GPLD1: variants seen among roughly 807,000 people sequenced by gnomAD.
GPLD1 encodes the protein phosphatidylinositol-glycan-specific phospholipase D.
In GPLD1, 84 loss-of-function variants were observed where a neutral mutation model predicts 112.6. The ratio of observed to expected loss-of-function variants is 0.75; its 90% confidence interval spans 0.63 to 0.89. The LOEUF (loss-of-function observed/expected upper bound fraction) is 0.89. GPLD1 is among the 40% of genes least tolerant of loss of function. The pLI, the probability that GPLD1 is intolerant of heterozygous loss-of-function variation, is 0.00. For synonymous variants in GPLD1, 386 were observed against 403.8 expected (o/e 0.96, Z 0.53); for missense variants, 1,044 against 1,051.5 (o/e 0.99, Z 0.10).
At chr6:24,425,806 ACAGACTGTTAAG>A (rs1479743216), downstream of GPLD1, 3 of 152,266 alleles carry the variant, frequency 2.0e-5, no homozygotes, top group Admixed American at 2.0e-4. Flanking sequence ...CTTCATGAAC[ACAGACTGTTAAG>A]CAGCACTAAC....
intron 22 of GPLD1, among the ~76,000 whole-genome samples, chr6:24,435,092 A>T (rs1394430323): frequency 2.0e-5 from 3 of 149,928 alleles, no homozygotes; most frequent in Non-Finnish European, 3.0e-5. Flanking sequence ...ACTCACTGCA[A>T]GCTCCGCCTC....
chr6:24,479,810 T>G (rs1764141803), intron 3 of GPLD1, 71 bp downstream of exon 3: 1 of 818,208 alleles, frequency 1.2e-6, no homozygotes, highest in Non-Finnish European at 2.2e-6. Context: ...ATATATATAT[T>G]TTTAAAGTCA....
At chr6:24,450,131 A>G (rs937668609) in intron 14 of GPLD1, among the ~76,000 whole-genome samples, 7 of 152,252 alleles carry the variant, frequency 4.6e-5, no homozygotes, top group African/African-American at 1.4e-4. Flanking sequence ...CAGAAAGTAG[A>G]GGGTTGGTTC....
At chr6:24,435,487 T>C (rs965464803) in intron 22 of GPLD1, among the ~76,000 whole-genome samples, 16 of 152,190 alleles carry the variant, frequency 1.1e-4, no homozygotes, top group Admixed American at 3.9e-4. Context: ...TTTAATTCTC[T>C]TTGTACATTT....
intron 4 of GPLD1, 36 bp from the exon 5 acceptor site, chr6:24,475,267 G>T (rs1763971893): frequency 9.5e-7 from 1 of 1,053,926 alleles, no homozygotes; most frequent in Non-Finnish European, 1.5e-6. Context: ...TGTGTGTTTG[G>T]GTGATTTTAT....
Position 24,426,644 on chromosome 6 carries a change from G to A in GPLD1, c.*2388C>T, listed in dbSNP as rs754179942. Among the ~76,000 whole-genome samples the A allele has an allele frequency of 5.9e-5, 9 of 152,070 alleles. No individual in the cohort carries two copies. The highest frequency in any genetic ancestry group is 1.9e-4 in the East Asian group (1 of 5,176). ...AAACTGACACTATATAAATGCATCC[G>A]TCTAATGAAAAGACCCAGTACTGAG... On this transcript the variant is annotated 3_prime_UTR_variant, in exon 25 of 25. Coordinates refer to ENST00000230036, the MANE Select transcript of GPLD1 (RefSeq NM_001503.4).
At chr6:24,438,861 A>T (rs973722048) in intron 20 of GPLD1, among the ~76,000 whole-genome samples, 14 of 151,880 alleles carry the variant, frequency 9.2e-5, no homozygotes, top group African/African-American at 2.9e-4. Flanking sequence ...ATCTCGGCTC[A>T]CTGCAACCTC....
chr6:24,489,223 A>C (rs980168230), intron 1 of GPLD1, among the ~76,000 whole-genome samples, 192 bp downstream of exon 1: 2 of 152,104 alleles, frequency 1.3e-5, no homozygotes, highest in Non-Finnish European at 2.9e-5. Context: ...TTGCCCCTTA[A>C]CTGAAGTCAT....
chr6:24,464,765 G>A (rs1010911935), intron 10 of GPLD1, among the ~76,000 whole-genome samples: 12 of 152,316 alleles, frequency 7.9e-5, no homozygotes, highest in African/African-American at 2.9e-4. Context: ...CACTGCTGGT[G>A]GTACAGCCTA....
Position 24,489,407 on chromosome 6 carries a change from G to A in GPLD1, c.97+8C>T, listed in dbSNP as rs772801233. ...CTCTCAACAACATAACAAGACACCAGTACTTACCTATTTCTACGTGTGTTG... is the reference window on the plus strand; with the variant it reads ...CTCTCAACAACATAACAAGACACCAATACTTACCTATTTCTACGTGTGTTG... On this transcript the variant is annotated splice_region_variant and intron_variant, in intron 1 of 24. Transcript: ENST00000230036. The A allele has an allele frequency of 1.9e-6, 3 of 1,565,910 alleles. No homozygotes were observed. The highest frequency in any genetic ancestry group is 2.7e-5 in the African/African-American group (2 of 73,804).
intron 2 of GPLD1, among the ~76,000 whole-genome samples, chr6:24,485,487 A>T (rs1561859959): frequency 6.6e-6 from 1 of 151,884 alleles, no homozygotes; most frequent in Non-Finnish European, 1.5e-5. Flanking sequence ...TTTCTCAAGT[A>T]TTTTTTCAAA....
At chr6:24,462,022 T>A (rs2793440) in intron 11 of GPLD1, among the ~76,000 whole-genome samples, 1 of 152,032 alleles carries the variant, frequency 6.6e-6, no homozygotes, top group Non-Finnish European at 1.5e-5. Context: ...GCCCTTAACA[T>A]TGAGGGCTTC....
At chr6:24,440,436 C>G (rs952077119) in intron 20 of GPLD1, among the ~76,000 whole-genome samples, 1 of 151,620 alleles carries the variant, frequency 6.6e-6, no homozygotes, top group Non-Finnish European at 1.5e-5. Flanking sequence ...AGAGCAAGAC[C>G]CTATGGCTTA....
intron 2 of GPLD1, among the ~76,000 whole-genome samples, chr6:24,481,963 G>A (rs547082274): frequency 6.6e-6 from 1 of 152,212 alleles, no homozygotes; most frequent in East Asian, 1.9e-4. Context: ...CTCCCAGTGA[G>A]GTAGGCATGT....
upstream of GPLD1, among the ~76,000 whole-genome samples, chr6:24,490,373 A>T (rs959776633): frequency 2.0e-5 from 3 of 152,244 alleles, no homozygotes; most frequent in Non-Finnish European, 2.9e-5. Context: ...CATATTTTAC[A>T]TTAAAAGCAA....
In GPLD1 at chr6:24,454,154, A is replaced by G; in HGVS notation, c.1196T>C (p.Val399Ala). 1.2e-6 allele frequency: 2 copies of G among 1,613,940 alleles called. No individual in the cohort carries two copies. Among genetic ancestry groups the G allele is most frequent in the Non-Finnish European group, 1.7e-6 (2 of 1,179,924 alleles). ...DLNQDGHGDLVVGAPGYSRPG... is the reference protein window; with the variant it reads ...DLNQDGHGDLAVGAPGYSRPG... ...GCGGCTGTAGCCTGGTGCGCCCACCACGAGGTCACCGTGCCCATCCTGGTT... is the reference window on the plus strand; with the variant it reads ...GCGGCTGTAGCCTGGTGCGCCCACCGCGAGGTCACCGTGCCCATCCTGGTT... Residue 399 changes from valine (V) to alanine (A), a missense_variant, in exon 14 of 25, where the codon GTG becomes GCG. Physicochemically the swap from Val to Ala is moderately conservative, Grantham distance 64. Transcript: ENST00000230036.
Position 24,428,993 on chromosome 6 carries a change from T to A in GPLD1, c.*39A>T. 1 of 1,362,708 alleles carries A rather than the reference T, an allele frequency of 7.3e-7. No individual in the cohort carries two copies. Among genetic ancestry groups the A allele is most frequent in the Non-Finnish European group, 1.0e-6 (1 of 956,290 alleles). 84.4% of individuals were successfully genotyped at this position (1,362,708 alleles called of 1,614,324 possible). A position where few individuals can be genotyped will look rare whatever the true frequency, so the allele number is the denominator to read the frequency against. On this transcript the variant is annotated 3_prime_UTR_variant, in exon 25 of 25. Transcript: ENST00000230036. Reference sequence around the variant, plus strand: ...TGCTCACCATGGATGTGATTCAGCATGAGAGAGGTGGGCAGAGTGGGGAAA... The same window carrying A: ...TGCTCACCATGGATGTGATTCAGCAAGAGAGAGGTGGGCAGAGTGGGGAAA...
intron 13 of GPLD1, among the ~76,000 whole-genome samples, chr6:24,455,837 A>C (rs1239229070): frequency 2.0e-5 from 3 of 152,198 alleles, no homozygotes; most frequent in Non-Finnish European, 4.4e-5. Flanking sequence ...TATTTGACCA[A>C]GTGTAAGGAG....
chr6:24,432,861 G>A (rs76888871), intron 24 of GPLD1, among the ~76,000 whole-genome samples: 17,581 of 152,202 alleles, frequency 0.12, 1,338 homozygotes, highest in East Asian at 0.16. Context: ...CTGCACTGCC[G>A]TTTAAACTTC....
Sources: allele counts gnomAD v4.1 joint callset (sites outside exome capture counted in the v4.1 genomes callset), GRCh38; gene constraint gnomAD v4.1.1; transcripts MANE v1.5; gene names NCBI Gene and HGNC (gene_info 2026-07-23, HGNC 2026-07-21).